The following SLC25A21 variants were observed in gnomAD, a reference collection of about 807,000 sequenced individuals.
SLC25A21 encodes mitochondrial 2-oxodicarboxylate carrier.
Under a neutral mutation model 43.8 loss-of-function variants are expected in SLC25A21, and 47 were observed. That is an observed-to-expected ratio of 1.07 (90% CI 0.85 to 1.37). The LOEUF is 1.37. SLC25A21 is among the 40% of genes most tolerant of loss of function. The pLI is 0.00. For synonymous variants in SLC25A21, 131 were observed against 121.3 expected, an observed-to-expected ratio of 1.08 and a Z score of -0.52; for missense variants, 352 against 350.2, an observed-to-expected ratio of 1.00 and a Z score of -0.04.
intron 1 of SLC25A21, among the ~76,000 whole-genome samples, chr14:37,131,444 T>C (rs1159870989): frequency 6.6e-6 from 1 of 152,220 alleles, no homozygotes; most frequent in Non-Finnish European, 1.5e-5. Context: ...AATGCTGTTG[T>C]CTGTCAGCAG....
chr14:36,740,371 G>T (rs1194890897), intron 3 of SLC25A21, among the ~76,000 whole-genome samples: 1 of 151,994 alleles, frequency 6.6e-6, no homozygotes, highest in Non-Finnish European at 1.5e-5. Flanking sequence ...ATGAGGAGGG[G>T]GTACCAGGAC....
intron 1 of SLC25A21, among the ~76,000 whole-genome samples, chr14:36,880,542 C>T (rs1890686009): frequency 6.6e-6 from 1 of 152,146 alleles, no homozygotes; most frequent in Non-Finnish European, 1.5e-5. Flanking sequence ...TTTGTATCCT[C>T]ACCACTTTGC....
At chr14:36,724,321 GC>G (rs1485284492) in intron 6 of SLC25A21, among the ~76,000 whole-genome samples, 1 of 152,080 alleles carries the variant, frequency 6.6e-6, no homozygotes, top group Non-Finnish European at 1.5e-5. Context: ...GGTGAGTAGG[GC>G]CCCCCTCCTT....
chr14:37,171,177 TA>T (rs1423696754), intron 1 of SLC25A21, among the ~76,000 whole-genome samples: 2 of 151,104 alleles, frequency 1.3e-5, no homozygotes, highest in African/African-American at 4.9e-5. Flanking sequence ...CAATTTCCTG[TA>T]AGCAATGAAT....
chr14:37,080,321 G>A (rs979927715), intron 1 of SLC25A21, among the ~76,000 whole-genome samples: 17 of 152,130 alleles, frequency 1.1e-4, no homozygotes, highest in South Asian at 6.2e-4. Flanking sequence ...GGCCAAGAGC[G>A]GTGCCTCATG....
At chr14:36,776,282 G>A (rs848123) in intron 3 of SLC25A21, among the ~76,000 whole-genome samples, 77,467 of 127,970 alleles carry the variant, frequency 0.61, 24,057 homozygotes, top group East Asian at 0.88. Flanking sequence ...TGTGGCCCAG[G>A]CTGGAGTGCA....
chr14:36,989,267 G>T (rs983754040), intron 1 of SLC25A21, among the ~76,000 whole-genome samples: 5 of 152,126 alleles, frequency 3.3e-5, no homozygotes, highest in African/African-American at 1.2e-4. Context: ...AGTGTGCAAT[G>T]ATCCAGGTGT....
chr14:36,834,403 G>A (rs1218982900), intron 2 of SLC25A21, among the ~76,000 whole-genome samples: 1 of 152,182 alleles, frequency 6.6e-6, no homozygotes, highest in Admixed American at 6.5e-5. Context: ...CCTACCTACT[G>A]CATGAACTTG....
chr14:36,962,836 A>AG (rs1959526257), intron 1 of SLC25A21, among the ~76,000 whole-genome samples: 1 of 152,186 alleles, frequency 6.6e-6, no homozygotes, highest in African/African-American at 2.4e-5. Flanking sequence ...AGTCTCTTTT[A>AG]GGGGTTAGAC....
intron 1 of SLC25A21, among the ~76,000 whole-genome samples, chr14:37,047,775 A>G (rs188872784): frequency 1.3e-5 from 2 of 152,326 alleles, no homozygotes; most frequent in Admixed American, 1.3e-4. Context: ...GACAGAAAAC[A>G]AAACCTTTCT....
intron 2 of SLC25A21, among the ~76,000 whole-genome samples, chr14:36,848,861 G>A (rs1209172162): frequency 6.6e-6 from 1 of 152,186 alleles, no homozygotes; most frequent in Non-Finnish European, 1.5e-5. Flanking sequence ...GGAATCTCAT[G>A]TGCTAAAATC....
intron 1 of SLC25A21, among the ~76,000 whole-genome samples, chr14:36,964,862 A>C (rs1959577283): frequency 6.6e-6 from 1 of 152,176 alleles, no homozygotes; most frequent in African/African-American, 2.4e-5. Context: ...GGGGAGGGTA[A>C]CAATCTTCCT....
At chr14:36,766,345 G>A (rs1370703069) in intron 3 of SLC25A21, among the ~76,000 whole-genome samples, 1 of 152,172 alleles carries the variant, frequency 6.6e-6, no homozygotes, top group African/African-American at 2.4e-5. Context: ...AATGACAAAT[G>A]TATTTCTTAC....
At chr14:36,877,922 T>C (rs1402336278) in intron 1 of SLC25A21, among the ~76,000 whole-genome samples, 1 of 152,020 alleles carries the variant, frequency 6.6e-6, no homozygotes, top group Non-Finnish European at 1.5e-5. Context: ...TAGCTCTTGG[T>C]TGTTTTTTCT....
chr14:36,945,118 C>T (rs1057505581), intron 1 of SLC25A21, among the ~76,000 whole-genome samples: 7 of 152,122 alleles, frequency 4.6e-5, no homozygotes, highest in African/African-American at 7.2e-5. Flanking sequence ...TCAGGACTAC[C>T]TGTGAGGATA....
chr14:37,115,837 T>C (rs1312213439), intron 1 of SLC25A21, among the ~76,000 whole-genome samples: 1 of 152,190 alleles, frequency 6.6e-6, no homozygotes, highest in African/African-American at 2.4e-5. Flanking sequence ...AATATTTTAA[T>C]TGAGCTAAAA....
chr14:36,730,737 C>T (rs905361894), intron 4 of SLC25A21, among the ~76,000 whole-genome samples: 3 of 152,150 alleles, frequency 2.0e-5, no homozygotes, highest in Non-Finnish European at 4.4e-5. Context: ...TTCATTCATT[C>T]ACTCGTTTAA....
In SLC25A21 at chr14:36,762,879, A is replaced by ATCTTGAATT. The variant is rs1886217475; in HGVS notation, c.204-28307_204-28306insAATTCAAGA. On this transcript the variant is annotated intron_variant, in intron 3 of 9. Coordinates refer to ENST00000331299, the MANE Select transcript of SLC25A21 (RefSeq NM_030631.4). ...ATCTCTCTAGCACAAAGCAGAGTTT[A>ATCTTGAATT]AGAATACGTCATTATCTTGAATTAA... is the stretch of plus-strand genomic sequence containing the variant. Among the ~76,000 whole-genome samples, 5 of 152,248 alleles carry ATCTTGAATT rather than the reference A, an allele frequency of 3.3e-5. No homozygotes were observed. In the South Asian group the frequency reaches 1.0e-3, roughly 32 times the overall value.
chr14:37,032,853 C>T (rs1405984314), intron 1 of SLC25A21, among the ~76,000 whole-genome samples: 1 of 152,022 alleles, frequency 6.6e-6, no homozygotes, highest in African/African-American at 2.4e-5. Context: ...AATCTGCGTA[C>T]CGCCCTTTGG....
Sources: gnomAD v4.1 joint callset for allele counts (sites outside exome capture counted in the v4.1 genomes callset) on GRCh38, gnomAD v4.1.1 for gene constraint, MANE v1.5 for transcripts, NCBI Gene and HGNC (gene_info 2026-07-23, HGNC 2026-07-21) for gene names.